The following ERCC8 variants were observed in gnomAD, a reference collection of about 807,000 sequenced individuals.
The protein encoded by ERCC8 is DNA excision repair protein ERCC-8.
Under a neutral mutation model 54.9 loss-of-function variants are expected in ERCC8, and 52 were observed. The ratio of observed to expected loss-of-function variants is 0.95; its 90% CI spans 0.76 to 1.19. The LOEUF is 1.19. ERCC8 is among the 50% of genes most tolerant of loss of function. The pLI is 0.00. For missense variants in ERCC8, 514 were observed against 466.1 expected (o/e 1.10, Z -0.95); for synonymous variants, 146 against 157.2 (o/e 0.93, Z 0.53).
intron 1 of ERCC8, among the ~76,000 whole-genome samples, chr5:60,933,803 C>G (rs1030028619): frequency 2.0e-5 from 3 of 152,164 alleles, no homozygotes; most frequent in African/African-American, 7.2e-5. Flanking sequence ...TCAGCTCCCA[C>G]TTATGAGTGA....
Position 60,904,804 on chromosome 5 carries a change from A to AGT in ERCC8, c.467_468dup (p.Cys157ThrfsTer4). ...TACACTTACAAACCTGCTACCAAAC[A>AGT]GTGCTTGGTGGAGACTGGAGACATA... On this transcript the variant is annotated frameshift_variant, in exon 5 of 12. Transcript: ENST00000676185. LOFTEE classifies it high-confidence loss of function. The AGT allele has an allele frequency of 1.3e-6, 2 of 1,596,332 alleles. No individual in the cohort carries two copies. Among genetic ancestry groups the AGT allele is most frequent in the Non-Finnish European group, 1.7e-6 (2 of 1,165,196 alleles).
rs372306454 is a variant in ERCC8 at position 60,910,523 on chromosome 5, C to A, written c.400-5650G>T. Among the ~76,000 whole-genome samples the A allele has an allele frequency of 3.9e-5, 6 of 152,020 alleles. No homozygotes were observed. The East Asian group carries it at 9.6e-4, about 24-fold the overall frequency. The stretch of plus-strand genomic sequence containing the variant: ...CTTTTAATTCTTGAACATGGAATAC[C>A]CCACATTTATTTAGGTCTTAATTTC... On this transcript the variant is annotated intron_variant, in intron 4 of 11. Coordinates refer to ENST00000676185, the MANE Select transcript of ERCC8 (RefSeq NM_000082.4).
Position 60,871,878 on chromosome 5 carries a change from G to A in ERCC8, c.*2737C>T, listed in dbSNP as rs1475236487. ...TGTAGTGACACGATCTTGGCTCAAT[G>A]CAGCCGTGACTTTACAGGTTCAAGT... On this transcript the variant is annotated 3_prime_UTR_variant, in exon 12 of 12. Transcript: ENST00000676185. Among the ~76,000 whole-genome samples, 1 of 152,116 alleles carries A rather than the reference G, an allele frequency of 6.6e-6. No individual in the cohort carries two copies. Among genetic ancestry groups the A allele is most frequent in the Non-Finnish European group, 1.5e-5 (1 of 68,020 alleles).
chr5:60,875,738 C>A (rs1274633086), intron 11 of ERCC8, among the ~76,000 whole-genome samples: 27 of 152,084 alleles, frequency 1.8e-4, no homozygotes. Context: ...ACACTGTCGC[C>A]CGGGCTGGAG....
At chr5:60,911,619 CT>C in intron 4 of ERCC8, among the ~76,000 whole-genome samples, 1 of 152,214 alleles carries the variant, frequency 6.6e-6, no homozygotes, top group Middle Eastern at 3.4e-3. Flanking sequence ...TCAATTTTGA[CT>C]TTTGTTGCCA....
At chr5:60,902,213 T>C (rs1223882771) in intron 7 of ERCC8, among the ~76,000 whole-genome samples, 1 of 152,050 alleles carries the variant, frequency 6.6e-6, no homozygotes, top group African/African-American at 2.4e-5. Flanking sequence ...CACAACACAG[T>C]TCCTCTGTGT....
At chr5:60,938,920 AT>A (rs1182011502) in intron 1 of ERCC8, among the ~76,000 whole-genome samples, 2 of 152,158 alleles carry the variant, frequency 1.3e-5, no homozygotes, top group African/African-American at 4.8e-5. Flanking sequence ...ATCTCTCTTT[AT>A]CCTTTAACTT....
Position 60,891,029 on chromosome 5 carries a change from A to G in ERCC8, c.901T>C (p.Cys301Arg), listed in dbSNP as rs1228090249. 3.7e-6 allele frequency: 6 copies of G among 1,613,410 alleles called. No homozygotes were observed. The highest frequency in any genetic ancestry group is 5.1e-6 in the Non-Finnish European group (6 of 1,179,686). The change falls in exon 10 of 12, where the codon TGT becomes CGT. Residue 301 changes from cysteine (C) to arginine (R), a missense_variant. Transcript: ENST00000676185. ...AAAACAAATTCTGAACTGCAGCCAC[A>G]GGAGACAGTGAATTTCAATCCTTTT... is the stretch of plus-strand genomic sequence containing the variant. ...SKKGLKFTVSCGCSSEFVFVP... is the reference protein window; with the variant it reads ...SKKGLKFTVSRGCSSEFVFVP...
At chr5:60,911,166 T>C (rs986855516) in intron 4 of ERCC8, among the ~76,000 whole-genome samples, 5 of 152,096 alleles carry the variant, frequency 3.3e-5, no homozygotes, top group South Asian at 2.1e-4. Context: ...ACCCATTAAC[T>C]CATCATTTAC....
chr5:60,921,997 T>C (rs1749612978), intron 3 of ERCC8, 57 bp downstream of exon 3: 3 of 1,230,242 alleles, frequency 2.4e-6, no homozygotes, highest in Admixed American at 1.7e-5. Flanking sequence ...TTGCATTCGA[T>C]GCAAAAAATA....
At chr5:60,886,572 G>A (rs1025703032) in intron 11 of ERCC8, among the ~76,000 whole-genome samples, 2 of 151,716 alleles carry the variant, frequency 1.3e-5, no homozygotes, top group African/African-American at 4.8e-5. Flanking sequence ...CGTGGTGGCG[G>A]GTACCTGTAA....
chr5:60,928,626 G>T (rs1561514774), intron 2 of ERCC8, among the ~76,000 whole-genome samples: 1 of 152,098 alleles, frequency 6.6e-6, no homozygotes, highest in Non-Finnish European at 1.5e-5. Context: ...TTCAATGTTT[G>T]TTAATTTAAC....
chr5:60,876,600 T>G (rs1338675609), intron 11 of ERCC8, among the ~76,000 whole-genome samples: 2 of 152,228 alleles, frequency 1.3e-5, no homozygotes, highest in East Asian at 3.8e-4. Context: ...TATCTCATTG[T>G]GGTTTTGATT....
chr5:60,938,873 T>C (rs948666706), intron 1 of ERCC8, among the ~76,000 whole-genome samples: 17 of 152,262 alleles, frequency 1.1e-4, no homozygotes, highest in Admixed American at 2.6e-4. Flanking sequence ...TTACCTAATA[T>C]TCGTAGTGAT....
At chr5:60,876,662 G>C (rs1237152173) in intron 11 of ERCC8, among the ~76,000 whole-genome samples, 1 of 152,104 alleles carries the variant, frequency 6.6e-6, no homozygotes, top group Non-Finnish European at 1.5e-5. Context: ...GTGTCTTTTG[G>C]CTGCATAAAT....
At chr5:60,878,171 G>A (rs572091987) in intron 11 of ERCC8, among the ~76,000 whole-genome samples, 19 of 150,730 alleles carry the variant, frequency 1.3e-4, no homozygotes, top group East Asian at 3.9e-4. Flanking sequence ...GCTCGATTAC[G>A]TTTATTGATT....
chr5:60,919,298 TG>T (rs1445235115), intron 3 of ERCC8: 3 of 152,000 alleles, frequency 2.0e-5, no homozygotes, highest in African/African-American at 7.2e-5. Context: ...TTGGTTATGA[TG>T]GTTGGTGAAG....
At chr5:60,930,258 T>C (rs1186416319) in intron 1 of ERCC8, among the ~76,000 whole-genome samples, 1 of 151,974 alleles carries the variant, frequency 6.6e-6, no homozygotes, top group Non-Finnish European at 1.5e-5. Context: ...GGCTAAACCC[T>C]GTCTCTACTA....
intron 4 of ERCC8, among the ~76,000 whole-genome samples, chr5:60,908,581 A>ATTT (rs142838100): frequency 0.13 from 17,525 of 136,968 alleles, 1,368 homozygotes; most frequent in South Asian, 0.23. Flanking sequence ...ATATATATAT[A>ATTT]TATTTTTTTT....
Sources: allele counts gnomAD v4.1 joint callset (sites outside exome capture counted in the v4.1 genomes callset), GRCh38; gene constraint gnomAD v4.1.1; transcripts MANE v1.5; gene names NCBI Gene and HGNC (gene_info 2026-07-23, HGNC 2026-07-21).